The following ZNF69 variants were observed in gnomAD, a reference collection of about 807,000 sequenced individuals.
ZNF69 encodes the protein zinc finger protein 69.
A neutral mutation model predicts 50.9 loss-of-function variants in ZNF69; 47 were observed. The observed-to-expected ratio is 0.92, with a 90% CI of 0.73 to 1.18. The LOEUF (loss-of-function observed/expected upper bound fraction) is 1.18. ZNF69 is among the 50% of genes most tolerant of loss of function. ZNF69 has a pLI of 0.00. For missense variants in ZNF69, 717 were observed against 675.1 expected, an observed-to-expected ratio of 1.06 and a Z score of -0.69; for synonymous variants, 216 against 223.1, an observed-to-expected ratio of 0.97 and a Z score of 0.29.
the ZNF69 span, among the ~76,000 whole-genome samples, chr19:11,936,540 T>A: frequency 4.6e-5 from 7 of 152,216 alleles, no homozygotes; most frequent in African/African-American, 1.4e-4. Context: ...GGGTTGTTTG[T>A]TTTTTTCTTG....
the ZNF69 span, among the ~76,000 whole-genome samples, chr19:11,920,110 T>TC: frequency 3.3e-5 from 5 of 151,740 alleles, no homozygotes. Flanking sequence ...TTTACTTTTT[T>TC]TTTTTTTTTT....
In ZNF69 at chr19:11,905,252, T is replaced by C. The variant is rs1252573246; in HGVS notation, c.855T>C (p.Phe285=). 1.9e-6 allele frequency: 3 copies of C among 1,613,344 alleles called. No homozygotes were observed. Among genetic ancestry groups the C allele is most frequent in the Non-Finnish European group, 2.5e-6 (3 of 1,179,794 alleles). The part of the protein sequence containing the change: ...PYECQQCGKA[F]HSPRCYRRHE... ...AATGTCAGCAATGTGGGAAAGCATT[T>C]CATAGTCCCAGATGCTATCGTAGAC... Residue 285 remains phenylalanine (F), a synonymous_variant, in exon 4 of 4, where the codon TTT becomes TTC. Transcript: ENST00000429654.
Position 11,904,089 on chromosome 19 carries a change from C to T in ZNF69, c.251+124C>T, listed in dbSNP as rs989168775. 9.5e-6 allele frequency: 12 copies of T among 1,264,294 alleles called. No individual in the cohort carries two copies. In the African/African-American group the frequency reaches 1.7e-4, roughly 18 times the overall value. 78.3% of individuals were successfully genotyped at this position (1,264,294 alleles called of 1,614,324 possible). A position where few individuals can be genotyped will look rare whatever the true frequency, so the allele number is the denominator to read the frequency against. ...TACATTTATTTTTAGAATATTTGAT[C>T]AAAAAACATATATATAAATGTGACC... On this transcript the variant is annotated intron_variant, in intron 3 of 3. Coordinates refer to ENST00000429654, the MANE Select transcript of ZNF69 (RefSeq NM_001364730.1).
the ZNF69 span, among the ~76,000 whole-genome samples, chr19:11,974,865 G>A: frequency 1.3e-5 from 2 of 152,138 alleles, no homozygotes; most frequent in African/African-American, 4.8e-5. Flanking sequence ...GGCCTTGCAA[G>A]GTGCTGGGAT....
the ZNF69 span, among the ~76,000 whole-genome samples, chr19:11,921,485 C>G: frequency 3.2e-4 from 46 of 145,874 alleles, 1 homozygote; most frequent in Middle Eastern, 3.4e-3. Flanking sequence ...TGGAAAATTT[C>G]TTTTGTTTGT....
chr19:11,976,869 C>A, the ZNF69 span: 1 of 1,471,712 alleles, frequency 6.8e-7, no homozygotes, highest in Non-Finnish European at 8.9e-7. Context: ...CTCAAAACAA[C>A]AACAACAAAA....
downstream of ZNF69, among the ~76,000 whole-genome samples, chr19:11,918,600 C>T (rs1292469701): frequency 1.3e-5 from 2 of 152,192 alleles, no homozygotes; most frequent in East Asian, 3.9e-4. Flanking sequence ...CCTCCCACCT[C>T]GGCTTTCTGC....
At chr19:11,958,696 C>A in the ZNF69 span, among the ~76,000 whole-genome samples, 1 of 152,136 alleles carries the variant, frequency 6.6e-6, no homozygotes, top group African/African-American at 2.4e-5. Context: ...GCCTGTGTCT[C>A]CACAGTCCAA....
At chr19:11,942,879 G>A in the ZNF69 span, among the ~76,000 whole-genome samples, 1 of 152,274 alleles carries the variant, frequency 6.6e-6, no homozygotes, top group African/African-American at 2.4e-5. Context: ...TGAGGTATGA[G>A]ACAATAAGAG....
chr19:11,964,073 C>T, the ZNF69 span, among the ~76,000 whole-genome samples: 46 of 152,322 alleles, frequency 3.0e-4, no homozygotes, highest in South Asian at 4.1e-4. Flanking sequence ...GGCAGCAGAG[C>T]CCCAGGCCAG....
At chr19:11,951,147 C>T in the ZNF69 span, among the ~76,000 whole-genome samples, 2 of 115,698 alleles carry the variant, frequency 1.7e-5, no homozygotes, top group Non-Finnish European at 3.2e-5. Context: ...AAGACTCCAT[C>T]TCCAAAAAAA....
the ZNF69 span, among the ~76,000 whole-genome samples, chr19:11,929,225 G>A: frequency 1.0e-3 from 155 of 148,488 alleles, 24 homozygotes; most frequent in African/African-American, 3.6e-3. Context: ...GAGTGCAGGC[G>A]CGATCTCAGC....
At chr19:11,933,299 G>A in the ZNF69 span, among the ~76,000 whole-genome samples, 1 of 148,216 alleles carries the variant, frequency 6.7e-6, no homozygotes. Context: ...TTGACTGTGT[G>A]TAGTGTATCC....
At chr19:11,889,545 A>G (rs1375306675) in intron 1 of ZNF69, among the ~76,000 whole-genome samples, 1 of 152,152 alleles carries the variant, frequency 6.6e-6, no homozygotes, top group South Asian at 2.1e-4. Flanking sequence ...GGCTCACTGC[A>G]ACCTCCACCT....
the ZNF69 span, among the ~76,000 whole-genome samples, chr19:11,963,088 A>AGAGAGAGAGAGAGAGAGTGTGTGT: frequency 4.3e-4 from 59 of 138,310 alleles, no homozygotes; most frequent in African/African-American, 1.8e-3. Context: ...AGAGAGAGAG[A>AGAGAGAGAGAGAGAGAGTGTGTGT]GTGTGTGTGT....
At chr19:11,969,017 G>A in the ZNF69 span, among the ~76,000 whole-genome samples, 2 of 152,206 alleles carry the variant, frequency 1.3e-5, no homozygotes, top group Non-Finnish European at 2.9e-5. Context: ...TGAAAGTTGT[G>A]TGTCATGTGA....
chr19:11,917,789 C>CTTTTTTTTTTTT (rs74965943), downstream of ZNF69, among the ~76,000 whole-genome samples: 2 of 110,686 alleles, frequency 1.8e-5, no homozygotes, highest in Non-Finnish European at 3.5e-5. Flanking sequence ...CCACACCCTG[C>CTTTTTTTTTTTT]TTTTTTTTTT....
At chr19:11,950,282 C>T in the ZNF69 span, 7 of 1,586,140 alleles carry the variant, frequency 4.4e-6, no homozygotes, top group Non-Finnish European at 5.1e-6. Flanking sequence ...CATGAATAGA[C>T]TCACACTGGA....
At chr19:11,932,021 A>G in the ZNF69 span, among the ~76,000 whole-genome samples, 1 of 147,838 alleles carries the variant, frequency 6.8e-6, no homozygotes, top group Non-Finnish European at 1.5e-5. Context: ...AGGCTGAGGC[A>G]GGAGAATCGC....
Sources: allele counts gnomAD v4.1 joint callset (sites outside exome capture counted in the v4.1 genomes callset), GRCh38; gene constraint gnomAD v4.1.1; transcripts MANE v1.5; gene names NCBI Gene and HGNC (gene_info 2026-07-23, HGNC 2026-07-21).